The following HMCN2 variants were observed in gnomAD, a reference collection of about 807,000 sequenced individuals.
HMCN2 encodes the protein hemicentin-2.
A neutral mutation model predicts 377.5 loss-of-function variants in HMCN2; 325 were observed. That is an observed-to-expected ratio of 0.86 (90% CI 0.79 to 0.94). The LOEUF (loss-of-function observed/expected upper bound fraction) is 0.94. HMCN2 is among the 40% of genes least tolerant of loss of function. The pLI, the probability that HMCN2 is intolerant of heterozygous loss-of-function variation, is 0.00. For missense variants in HMCN2, 4,543 were observed against 4,725.3 expected (o/e 0.96, Z 1.13); for synonymous variants, 2,007 against 2,046.8 (o/e 0.98, Z 0.53).
intron 37 of HMCN2, among the ~76,000 whole-genome samples, chr9:130,359,988 G>A (rs569317881): frequency 2.4e-4 from 37 of 152,256 alleles, no homozygotes; most frequent in Middle Eastern, 6.8e-3. Flanking sequence ...CTGGCTTTGA[G>A]GCTGCTGCTT....
chr9:130,317,461 C>T (rs1837618695), intron 15 of HMCN2, among the ~76,000 whole-genome samples: 1 of 128,988 alleles, frequency 7.8e-6, no homozygotes, highest in African/African-American at 2.8e-5. Context: ...ATAGCGAGAC[C>T]CCACCATCTC....
intron 36 of HMCN2, 122 bp downstream of exon 36, chr9:130,358,608 T>G: frequency 2.4e-6 from 2 of 837,466 alleles, no homozygotes; most frequent in Non-Finnish European, 1.7e-6. Flanking sequence ...GTTGTGCACT[T>G]AACTTCAGAG....
intron 1 of HMCN2, among the ~76,000 whole-genome samples, chr9:130,278,076 C>T (rs995277769): frequency 2.0e-5 from 3 of 151,996 alleles, no homozygotes; most frequent in African/African-American, 7.3e-5. Flanking sequence ...CCACCATCAT[C>T]ATCATCACCA....
At position 130,284,628 on chromosome 9, in the gene HMCN2, G is replaced by T. The variant is rs896483336; in HGVS notation, c.285G>T (p.Ala95=). The T allele has an allele frequency of 1.3e-5, 6 of 471,022 alleles. No individual in the cohort carries two copies. Among genetic ancestry groups the T allele is most frequent in the Non-Finnish European group, 2.6e-5 (6 of 227,062 alleles). The allele number at this position is 471,022 out of a possible 1,614,324, so 29.2% of individuals were successfully genotyped here. ...DPDIGPVTLT[A]DPTVFQRELR... The stretch of plus-strand genomic sequence containing the variant: ...ATATTGGCCCAGTGACCCTCACGGC[G>T]GACCCCACAGTGTTTCAGAGGGAGC... The change falls in exon 2 of 98, where the codon GCG becomes GCT. Residue 95 remains alanine, a synonymous_variant. Coordinates refer to ENST00000683500, the MANE Select transcript of HMCN2 (RefSeq NM_001291815.2).
chr9:130,346,349 C>T (rs1839391730), intron 25 of HMCN2, among the ~76,000 whole-genome samples: 1 of 152,154 alleles, frequency 6.6e-6, no homozygotes, highest in East Asian at 1.9e-4. Context: ...ATGAAAGCTC[C>T]ACTCCAGCCC....
chr9:130,350,765 G>A (rs1340878775), intron 29 of HMCN2, among the ~76,000 whole-genome samples: 1 of 151,496 alleles, frequency 6.6e-6, no homozygotes, highest in Non-Finnish European at 1.5e-5. Context: ...GCATGGTGGC[G>A]GTAGTCTGTA....
chr9:130,318,023 G>A (rs984759206), intron 15 of HMCN2, among the ~76,000 whole-genome samples: 2 of 152,138 alleles, frequency 1.3e-5, no homozygotes, highest in South Asian at 2.1e-4. Flanking sequence ...ACCCCTGGGG[G>A]CCAGGGCTCT....
intron 80 of HMCN2, 51 bp from the exon 81 acceptor site, chr9:130,404,818 T>A: frequency 8.6e-7 from 1 of 1,166,692 alleles, no homozygotes; most frequent in South Asian, 1.6e-5. Context: ...CAGGATGGTG[T>A]CAGCCGCCTC....
At position 130,361,547 on chromosome 9, in the gene HMCN2, G is replaced by A. The variant is rs1318997035; in HGVS notation, c.5951-461G>A. Among the ~76,000 whole-genome samples the A allele has an allele frequency of 6.6e-6, 1 of 152,226 alleles. No homozygotes were observed. The highest frequency in any genetic ancestry group is 1.5e-5 in the Non-Finnish European group (1 of 68,044). On this transcript the variant is annotated intron_variant, in intron 38 of 97. Coordinates refer to ENST00000683500, the MANE Select transcript of HMCN2 (RefSeq NM_001291815.2). This position sits in a 1 kb window ranked among gnomAD's most constrained non-coding sequence, Gnocchi z 4.8. ...AGTGGGTAGCTGGGCAGAGGCCTGGGACCCTGGGCATCATGGCTGGTGCCT... is the reference window on the plus strand; with the variant it reads ...AGTGGGTAGCTGGGCAGAGGCCTGGAACCCTGGGCATCATGGCTGGTGCCT...
Position 130,353,266 on chromosome 9 carries a change from C to A in HMCN2, c.4864+61C>A, listed in dbSNP as rs1220129653. On this transcript the variant is annotated intron_variant, in intron 31 of 97. Coordinates refer to ENST00000683500, the MANE Select transcript of HMCN2 (RefSeq NM_001291815.2). ...AGTGGGAGGGACTCAGCCATGGTGG[C>A]CCCTGCCTGTCTCCAAAGGAAGGCT... is the stretch of plus-strand genomic sequence containing the variant. 4.0e-6 allele frequency: 5 copies of A among 1,265,408 alleles called. No individual in the cohort carries two copies. In the East Asian group the frequency reaches 2.8e-4, roughly 72 times the overall value. 78.4% of individuals were successfully genotyped at this position (1,265,408 alleles called of 1,614,324 possible). A position where few individuals can be genotyped will look rare whatever the true frequency, so the allele number is the denominator to read the frequency against.
At chr9:130,302,113 C>T (rs1354542297) in intron 8 of HMCN2, among the ~76,000 whole-genome samples, 6 of 150,846 alleles carry the variant, frequency 4.0e-5, no homozygotes, top group African/African-American at 1.5e-4. Flanking sequence ...GTGATCTTGG[C>T]TCACTGCAGT....
At chr9:130,293,923 G>A (rs1444902335) in intron 4 of HMCN2, among the ~76,000 whole-genome samples, 5 of 152,132 alleles carry the variant, frequency 3.3e-5, no homozygotes, top group African/African-American at 1.2e-4. Flanking sequence ...ATAGCAAGGA[G>A]ATGGTCGATG....
At chr9:130,280,203 C>T (rs1164769779) in intron 1 of HMCN2, among the ~76,000 whole-genome samples, 13 of 149,842 alleles carry the variant, frequency 8.7e-5, no homozygotes, top group African/African-American at 3.0e-4. Context: ...GCTCTGTCAC[C>T]CAGGCTGGGT....
In HMCN2 at chr9:130,267,094, C is replaced by G. The variant is rs565134549; in HGVS notation, c.259+957C>G. 4.6e-5 allele frequency among the ~76,000 whole-genome samples: 7 copies of G among 152,086 alleles called. No individual in the cohort carries two copies. The South Asian group carries it at 1.2e-3, about 27-fold the overall frequency. On this transcript the variant is annotated intron_variant, in intron 1 of 97. Transcript: ENST00000683500. ...CCAAGTAGCTGGGACTACAAGCATACGCCACCATGCCTGGCTGATTTTTAA... is the reference window on the plus strand; with the variant it reads ...CCAAGTAGCTGGGACTACAAGCATAGGCCACCATGCCTGGCTGATTTTTAA...
At chr9:130,365,048 C>T (rs548500385) in intron 41 of HMCN2, among the ~76,000 whole-genome samples, 159 bp downstream of exon 41, 3 of 152,360 alleles carry the variant, frequency 2.0e-5, no homozygotes, top group South Asian at 2.1e-4. Flanking sequence ...CCTCAGGGCC[C>T]CTGACTCAGC....
At chr9:130,400,161 C>T (rs1297017958) in intron 76 of HMCN2, 1 of 152,594 alleles carries the variant, frequency 6.6e-6, no homozygotes, top group East Asian at 1.9e-4. Flanking sequence ...TTAAATGCCA[C>T]TTCCCCTGGA....
At chr9:130,383,994 G>A (rs1841877788) in intron 57 of HMCN2, among the ~76,000 whole-genome samples, 1 of 152,096 alleles carries the variant, frequency 6.6e-6, no homozygotes, top group Admixed American at 6.5e-5. Flanking sequence ...TCACTGTCCC[G>A]GAGCCTGCAC....
chr9:130,289,703 C>T, intron 4 of HMCN2, among the ~76,000 whole-genome samples: 1 of 152,128 alleles, frequency 6.6e-6, no homozygotes, highest in African/African-American at 2.4e-5. Context: ...AGGATATGTC[C>T]CTCAGTTCCA....
intron 4 of HMCN2, among the ~76,000 whole-genome samples, chr9:130,290,862 G>GAAAAAA (rs34729181): frequency 1.5e-4 from 18 of 121,156 alleles, no homozygotes; most frequent in African/African-American, 2.0e-4. Flanking sequence ...AGCTCAGTCT[G>GAAAAAA]AAAAAAAAAA....
Sources: allele counts gnomAD v4.1 joint callset (sites outside exome capture counted in the v4.1 genomes callset), GRCh38; gene constraint gnomAD v4.1.1; non-coding constraint Gnocchi (gnomAD v3.1); transcripts MANE v1.5; gene names NCBI Gene and HGNC (gene_info 2026-07-23, HGNC 2026-07-21).